The following CDH19 variants were observed in gnomAD, a reference collection of about 807,000 sequenced individuals.
The protein encoded by CDH19 is cadherin 19, also known as cadherin-19.
In CDH19, 67 loss-of-function variants were observed where a neutral mutation model predicts 64.2. The observed-to-expected ratio is 1.04, with a 90% CI of 0.86 to 1.28. The LOEUF is 1.28. CDH19 is among the 50% of genes most tolerant of loss of function. The pLI, the probability that CDH19 is intolerant of heterozygous loss-of-function variation, is 0.00. For synonymous variants in CDH19, 346 were observed against 319.3 expected, an observed-to-expected ratio of 1.08 and a Z score of -0.89; for missense variants, 1,030 against 929.0, an observed-to-expected ratio of 1.11 and a Z score of -1.41.
intron 9 of CDH19, among the ~76,000 whole-genome samples, chr18:66,515,930 T>A (rs911763323): frequency 1.3e-5 from 2 of 152,026 alleles, no homozygotes; most frequent in East Asian, 3.9e-4. Flanking sequence ...CTGTCACCAC[T>A]GTTCACATTC....
chr18:66,591,679 G>T (rs1478524021), intron 1 of CDH19, among the ~76,000 whole-genome samples: 1 of 151,754 alleles, frequency 6.6e-6, no homozygotes, highest in Non-Finnish European at 1.5e-5. Context: ...GAAAATCATT[G>T]ATAATCTAGC....
At chr18:66,556,646 C>T (rs2144530569) in intron 3 of CDH19, among the ~76,000 whole-genome samples, 1 of 151,930 alleles carries the variant, frequency 6.6e-6, no homozygotes, top group Admixed American at 6.6e-5. Flanking sequence ...ATATATGACA[C>T]AGTTTCTTTC....
At position 66,572,275 on chromosome 18, in the gene CDH19, T is replaced by G; in HGVS notation, c.-71A>C. On this transcript the variant is annotated 5_prime_UTR_variant, in exon 2 of 12. Coordinates refer to ENST00000262150, the MANE Select transcript of CDH19 (RefSeq NM_021153.4). ...GGACGTCACTAACAAAAATCTTGCT[T>G]TCTTTTATAATCTTTTCTGATTCTG... The G allele has an allele frequency of 8.0e-7, 1 of 1,246,840 alleles. No individual in the cohort carries two copies. Among genetic ancestry groups the G allele is most frequent in the Non-Finnish European group, 1.1e-6 (1 of 885,886 alleles). The allele number at this position is 1,246,840 out of a possible 1,614,324, so 77.2% of individuals were successfully genotyped here. A position where few individuals can be genotyped will look rare whatever the true frequency, so the allele number is the denominator to read the frequency against.
chr18:66,600,478 A>G (rs1409425696), intron 1 of CDH19, among the ~76,000 whole-genome samples: 1 of 151,916 alleles, frequency 6.6e-6, no homozygotes, highest in East Asian at 1.9e-4. Flanking sequence ...CATAAAAATC[A>G]TATTTGTGAG....
At chr18:66,570,280 G>A (rs1988060621) in intron 2 of CDH19, among the ~76,000 whole-genome samples, 1 of 151,526 alleles carries the variant, frequency 6.6e-6, no homozygotes. Flanking sequence ...AGACAAGTAA[G>A]CTTGACATTT....
intron 8 of CDH19, among the ~76,000 whole-genome samples, chr18:66,534,479 C>T (rs190661823): frequency 6.6e-6 from 1 of 152,076 alleles, no homozygotes; most frequent in East Asian, 1.9e-4. Context: ...AGAAAAGATG[C>T]ATCTGAGAAT....
At chr18:66,560,688 C>T (rs1233839980) in intron 3 of CDH19, among the ~76,000 whole-genome samples, 1 of 151,890 alleles carries the variant, frequency 6.6e-6, no homozygotes, top group African/African-American at 2.4e-5. Context: ...TTTTATTACT[C>T]TTCCCAGCCT....
chr18:66,520,977 T>C (rs2144381600), intron 9 of CDH19, among the ~76,000 whole-genome samples: 1 of 152,204 alleles, frequency 6.6e-6, no homozygotes, highest in South Asian at 2.1e-4. Context: ...AGGTGCTTTA[T>C]TAGATAAATG....
chr18:66,534,332 G>A (rs572612569), intron 8 of CDH19, among the ~76,000 whole-genome samples: 1 of 151,866 alleles, frequency 6.6e-6, no homozygotes, highest in South Asian at 2.1e-4. Context: ...AATAATATGC[G>A]GAGATGCCTT....
intron 5 of CDH19, among the ~76,000 whole-genome samples, chr18:66,549,758 CTG>C (rs1442865944): frequency 6.6e-6 from 1 of 152,038 alleles, no homozygotes; most frequent in African/African-American, 2.4e-5. Flanking sequence ...GAGTAGTTGT[CTG>C]TATCATTTAG....
intron 3 of CDH19, among the ~76,000 whole-genome samples, chr18:66,563,845 G>T (rs1446804059): frequency 6.6e-6 from 1 of 151,798 alleles, no homozygotes; most frequent in East Asian, 1.9e-4. Context: ...CTAAAAACTA[G>T]GTCATTTTTA....
Position 66,502,702 on chromosome 18 carries a change from T to G in CDH19, c.*2110A>C, listed in dbSNP as rs1261742719. ...GTAAATGTTCTCTCGATTTGTGCAT[T>G]TCTATTTGACTTGCAAATTTTTGCT... On this transcript the variant is annotated 3_prime_UTR_variant, in exon 12 of 12. Transcript: ENST00000262150. The G allele has an allele frequency of 6.6e-6, 1 of 151,940 alleles. No homozygotes were observed. The highest frequency in any genetic ancestry group is 1.5e-5 in the Non-Finnish European group (1 of 67,858). 9.4% of individuals were successfully genotyped at this position (151,940 alleles called of 1,614,324 possible).
intron 1 of CDH19, among the ~76,000 whole-genome samples, chr18:66,602,009 A>G (rs1179038165): frequency 6.6e-6 from 1 of 151,938 alleles, no homozygotes; most frequent in African/African-American, 2.4e-5. Context: ...TTCAACTTCA[A>G]TCTGTTTCAC....
chr18:66,594,553 A>T (rs568930325), intron 1 of CDH19, among the ~76,000 whole-genome samples: 126 of 152,186 alleles, frequency 8.3e-4, no homozygotes, highest in African/African-American at 2.9e-3. Flanking sequence ...GCCCAAAGTC[A>T]TACGAATCAC....
At chr18:66,595,738 T>C (rs1394073041) in intron 1 of CDH19, among the ~76,000 whole-genome samples, 2 of 152,042 alleles carry the variant, frequency 1.3e-5, no homozygotes, top group Non-Finnish European at 2.9e-5. Flanking sequence ...CCAGATACTA[T>C]AAAGAAGACG....
chr18:66,543,577 T>C (rs1986978400), intron 7 of CDH19, among the ~76,000 whole-genome samples: 1 of 152,068 alleles, frequency 6.6e-6, no homozygotes, highest in Non-Finnish European at 1.5e-5. Context: ...TAGATACAGA[T>C]ATAACCTTGT....
chr18:66,509,317 G>T, intron 10 of CDH19, 71 bp from the exon 11 acceptor site: 2 of 1,316,660 alleles, frequency 1.5e-6, no homozygotes, highest in Non-Finnish European at 1.1e-6. Flanking sequence ...AGTCACATGT[G>T]CTAGGGACAA....
chr18:66,540,356 G>T (rs1006776787), intron 7 of CDH19, among the ~76,000 whole-genome samples: 3 of 151,872 alleles, frequency 2.0e-5, no homozygotes, highest in Non-Finnish European at 4.4e-5. Context: ...CTTCAATAAC[G>T]TCCAAAAAGT....
chr18:66,560,231 G>A (rs1044409041), intron 3 of CDH19, among the ~76,000 whole-genome samples: 1 of 152,082 alleles, frequency 6.6e-6, no homozygotes, highest in African/African-American at 2.4e-5. Context: ...CTGGAGCAAT[G>A]AATAGCTGGT....
Sources: gnomAD v4.1 joint callset for allele counts (sites outside exome capture counted in the v4.1 genomes callset) on GRCh38, gnomAD v4.1.1 for gene constraint, MANE v1.5 for transcripts, NCBI Gene and HGNC (gene_info 2026-07-23, HGNC 2026-07-21) for gene names.